The following ERLIN2 variants were observed in gnomAD, a reference collection of about 807,000 sequenced individuals.
ERLIN2 encodes the protein ER lipid raft associated 2.
Under a neutral mutation model 41.5 loss-of-function variants are expected in ERLIN2, and 22 were observed. The observed-to-expected ratio is 0.53, with a 90% confidence interval of 0.38 to 0.76. The LOEUF is 0.76. ERLIN2 is among the 30% of genes least tolerant of loss of function. ERLIN2 has a pLI of 0.00. For missense variants in ERLIN2, 247 were observed against 414.3 expected, an observed-to-expected ratio of 0.60 and a Z score of 3.51; for synonymous variants, 149 against 150.9, an observed-to-expected ratio of 0.99 and a Z score of 0.09.
chr8:37,751,720 G>T lies in ERLIN2; in HGVS notation c.739+5G>T. ...AGAAGATTTCAGAAATTGAAGGTAAGCAGAAGTGGCAGTCATGCCTGAGTC... is the reference window on the plus strand; with the variant it reads ...AGAAGATTTCAGAAATTGAAGGTAATCAGAAGTGGCAGTCATGCCTGAGTC... On this transcript the variant is annotated splice_donor_5th_base_variant and intron_variant, in intron 10 of 11. Transcript: ENST00000519638. The T allele has an allele frequency of 1.2e-6, 2 of 1,610,200 alleles. No homozygotes were observed. The highest frequency in any genetic ancestry group is 1.7e-6 in the Non-Finnish European group (2 of 1,176,670).
Position 37,744,706 on chromosome 8 carries a change from T to G in ERLIN2, c.424+10T>G, listed in dbSNP as rs1802977271. On this transcript the variant is annotated intron_variant, in intron 6 of 11. Coordinates refer to ENST00000519638, the MANE Select transcript of ERLIN2 (RefSeq NM_007175.8). ...TACATTGAGCTGTTTGGTAAGAAAG[T>G]CTCTCCTGAGCATGCCGTGCTTAAG... 1 of 1,613,974 alleles carries G rather than the reference T, an allele frequency of 6.2e-7. No individual in the cohort carries two copies. The highest frequency in any genetic ancestry group is 8.5e-7 in the Non-Finnish European group (1 of 1,180,010).
chr8:37,742,321 C>T (rs1457567991), intron 4 of ERLIN2, among the ~76,000 whole-genome samples: 3 of 143,606 alleles, frequency 2.1e-5, no homozygotes, highest in Non-Finnish European at 4.5e-5. Context: ...AGCCTGGCGA[C>T]AGAGTGAGAC....
In ERLIN2 at chr8:37,751,856, G is replaced by C. The variant is rs1295024107; in HGVS notation, c.739+141G>C. ...TGCAACAGCAGCTTTTCTCCATGTG[G>C]AGACTTGAGTTTTGAGGCTATTGTG... On this transcript the variant is annotated intron_variant, in intron 10 of 11. Transcript: ENST00000519638. 5.5e-6 allele frequency: 4 copies of C among 726,998 alleles called. No individual in the cohort carries two copies. The East Asian group carries it at 1.1e-4, about 20-fold the overall frequency. The allele number at this position is 726,998 out of a possible 1,614,324, so 45.0% of individuals were successfully genotyped here. A position where few individuals can be genotyped will look rare whatever the true frequency, so the allele number is the denominator to read the frequency against.
Position 37,756,842 on chromosome 8 carries a change from A to T in ERLIN2, c.*2727A>T, listed in dbSNP as rs1054743355. On this transcript the variant is annotated 3_prime_UTR_variant, in exon 12 of 12. Coordinates refer to ENST00000519638, the MANE Select transcript of ERLIN2 (RefSeq NM_007175.8). ...CTATCAAAATAAGTAACTGTTTATA[A>T]AATTCAGTTTTTGTAGGGTTTTCCA... The T allele has an allele frequency of 3.3e-5, 5 of 152,672 alleles. No individual in the cohort carries two copies. The highest frequency in any genetic ancestry group is 5.9e-5 in the Non-Finnish European group (4 of 68,040). 9.5% of individuals were successfully genotyped at this position (152,672 alleles called of 1,614,324 possible). A position where few individuals can be genotyped will look rare whatever the true frequency, so the allele number is the denominator to read the frequency against.
chr8:37,748,954 A>G (rs944082415), intron 6 of ERLIN2, among the ~76,000 whole-genome samples: 3 of 152,230 alleles, frequency 2.0e-5, no homozygotes, highest in African/African-American at 7.2e-5. Flanking sequence ...AGCAAACAGC[A>G]CATCAAAAGC....
intron 8 of ERLIN2, 97 bp from the exon 9 acceptor site, chr8:37,750,298 G>A: frequency 3.3e-6 from 3 of 903,532 alleles, no homozygotes; most frequent in South Asian, 2.8e-5. Flanking sequence ...TAGGAAATGG[G>A]AGTTTGCCTC....
At chr8:37,753,832 T>C (rs1289275540) in intron 11 of ERLIN2, 83 bp from the exon 12 acceptor site, 4 of 1,195,058 alleles carry the variant, frequency 3.3e-6, no homozygotes, top group Non-Finnish European at 3.7e-6. Context: ...GGCATAAATA[T>C]AGGAAAATTG....
chr8:37,746,460 T>G, intron 6 of ERLIN2: 1 of 984,842 alleles, frequency 1.0e-6, no homozygotes, highest in South Asian at 4.7e-5. Context: ...ATGGATATAG[T>G]TATCACTGAA....
chr8:37,744,505 C>G, intron 5 of ERLIN2, 66 bp from the exon 6 acceptor site: 1 of 1,611,156 alleles, frequency 6.2e-7, no homozygotes, highest in Non-Finnish European at 8.5e-7. Context: ...AAAAGGAGAG[C>G]TGCCGTGTCT....
chr8:37,745,991 A>G (rs1803034462), intron 6 of ERLIN2: 18 of 1,016,752 alleles, frequency 1.8e-5, no homozygotes, highest in Non-Finnish European at 2.1e-5. Context: ...ATTAAAATAC[A>G]AAGTTGTTTT....
Position 37,756,953 on chromosome 8 carries a change from TA to T in ERLIN2, c.*2842del, listed in dbSNP as rs1276658528. 6.6e-6 allele frequency: 1 copy of T among 152,350 alleles called. No individual in the cohort carries two copies. The highest frequency in any genetic ancestry group is 1.5e-5 in the Non-Finnish European group (1 of 68,026). 9.4% of individuals were successfully genotyped at this position (152,350 alleles called of 1,614,324 possible). A position where few individuals can be genotyped will look rare whatever the true frequency, so the allele number is the denominator to read the frequency against. Reference sequence around the variant, plus strand: ...TTCAGTACTGTTTTTAATCACTTTTTAAAATATAAGGACCGAATGCAAGGAA... The same window carrying T: ...TTCAGTACTGTTTTTAATCACTTTTTAAATATAAGGACCGAATGCAAGGAA... On this transcript the variant is annotated 3_prime_UTR_variant, in exon 12 of 12. Transcript: ENST00000519638.
At chr8:37,749,689 C>A in intron 7 of ERLIN2, 57 bp downstream of exon 7, 1 of 1,540,062 alleles carries the variant, frequency 6.5e-7, no homozygotes, top group Non-Finnish European at 9.0e-7. Context: ...TCCCTTCTCC[C>A]AAGGGATGTC....
rs150618282 is a variant in ERLIN2 at position 37,757,206 on chromosome 8, C to G, written c.*3091C>G. ...AAATAGTGAAAGTAAGATGGTCATA[C>G]TTACTGACTTTATCTATTTAAGTTT... On this transcript the variant is annotated 3_prime_UTR_variant, in exon 12 of 12. Coordinates refer to ENST00000519638, the MANE Select transcript of ERLIN2 (RefSeq NM_007175.8). 13 of 152,180 alleles carry G rather than the reference C, an allele frequency of 8.5e-5. No individual in the cohort carries two copies. Among genetic ancestry groups the G allele is most frequent in the African/African-American group, 3.1e-4 (13 of 41,440 alleles). The allele number at this position is 152,180 out of a possible 1,614,324, so 9.4% of individuals were successfully genotyped here.
intron 1 of ERLIN2, chr8:37,737,135 A>G (rs1399433689): frequency 3.0e-6 from 1 of 334,034 alleles, no homozygotes. Flanking sequence ...ATAGTTCCAG[A>G]TCATTCAGCG....
chr8:37,747,670 G>A, intron 6 of ERLIN2: 1 of 1,598,418 alleles, frequency 6.3e-7, no homozygotes. Flanking sequence ...CACAATGAAG[G>A]TAACGGGAGC....
At chr8:37,751,751 C>T in intron 10 of ERLIN2, 36 bp downstream of exon 10, 1 of 1,525,906 alleles carries the variant, frequency 6.6e-7, no homozygotes, top group South Asian at 1.1e-5. Flanking sequence ...GAGTCCTCCT[C>T]AGACCCCGCC....
rs1465338324 is a variant in ERLIN2, at chr8:37,746,363, CTT to C, written c.424+1669_424+1670del. On this transcript the variant is annotated intron_variant, in intron 6 of 11. Coordinates refer to ENST00000519638, the MANE Select transcript of ERLIN2 (RefSeq NM_007175.8). The stretch of plus-strand genomic sequence containing the variant: ...ACTTTGAAGTTTACCTGAAGAACCT[CTT>C]TGTGTGTACTTAGTAATACAACTTT... 1.4e-5 allele frequency: 14 copies of C among 985,276 alleles called. 1 individual carries two copies. In the South Asian group the frequency reaches 5.6e-4, roughly 40 times the overall value. The allele number at this position is 985,276 out of a possible 1,614,324, so 61.0% of individuals were successfully genotyped here. A position where few individuals can be genotyped will look rare whatever the true frequency, so the allele number is the denominator to read the frequency against.
At position 37,749,830 on chromosome 8, in the gene ERLIN2, A is replaced by C. The variant is rs1803174694; in HGVS notation, c.535A>C (p.Ile179Leu). 6.2e-7 allele frequency: 1 copy of C among 1,614,064 alleles called. No individual in the cohort carries two copies. The highest frequency in any genetic ancestry group is 8.5e-7 in the Non-Finnish European group (1 of 1,180,026). Residue 179 changes from isoleucine (I) to leucine (L), a missense_variant, in exon 8 of 12, where the codon ATC becomes CTC. By Grantham distance (5) the Ile-to-Leu change is conservative. This residue lies in a region of ERLIN2 where 153 missense variants were observed against 256.4 expected (regional missense o/e 0.60). Coordinates refer to ENST00000519638, the MANE Select transcript of ERLIN2 (RefSeq NM_007175.8). Reference sequence around the variant, plus strand: ...AACAAAGCCCAACATACCAGAGGCAATCCGCAGAAACTACGAGTTGATGTG... The same window carrying C: ...AACAAAGCCCAACATACCAGAGGCACTCCGCAGAAACTACGAGTTGATGTG... ...RVTKPNIPEAIRRNYELMESE... is the reference protein window; with the variant it reads ...RVTKPNIPEALRRNYELMESE...
rs1802842915 is a variant in ERLIN2, at chr8:37,741,297, T to C, written c.190-475T>C. On this transcript the variant is annotated intron_variant, in intron 3 of 11. Transcript: ENST00000519638. The surrounding 1 kb of genome is among the most constrained non-coding windows in gnomAD (Gnocchi z 4.8). Reference sequence around the variant, plus strand: ...TGAGAGAGAGAGAGAGAGACCACCTTCAAATAACTTTTATGACAGTATATT... The same window carrying C: ...TGAGAGAGAGAGAGAGAGACCACCTCCAAATAACTTTTATGACAGTATATT... Among the ~76,000 whole-genome samples, 1 of 152,174 alleles carries C rather than the reference T, an allele frequency of 6.6e-6. No homozygotes were observed. The highest frequency in any genetic ancestry group is 1.5e-5 in the Non-Finnish European group (1 of 68,040).
Sources: gnomAD v4.1 joint callset for allele counts (sites outside exome capture counted in the v4.1 genomes callset) on GRCh38, gnomAD v4.1.1 for gene constraint, gnomAD v4.1.1 regional missense constraint, Gnocchi (gnomAD v3.1) non-coding constraint, MANE v1.5 for transcripts, NCBI Gene and HGNC (gene_info 2026-07-23, HGNC 2026-07-21) for gene names.